The following BRSK2 variants were observed in gnomAD, a reference collection of about 807,000 sequenced individuals.
BRSK2 encodes serine/threonine-protein kinase BRSK2.
A neutral mutation model predicts 83.3 loss-of-function variants in BRSK2; 19 were observed. The observed-to-expected ratio is 0.23, with a 90% confidence interval of 0.16 to 0.33. The LOEUF is 0.33. Among genes scored for constraint, BRSK2 ranks in the 10% least tolerant of loss-of-function variants. The pLI, the probability that BRSK2 is intolerant of heterozygous loss-of-function variation, is 1.00. For missense variants in BRSK2, 798 were observed against 1,042.3 expected, an observed-to-expected ratio of 0.77 and a Z score of 3.23; for synonymous variants, 519 against 435.4, an observed-to-expected ratio of 1.19 and a Z score of -2.39.
chr11:1,445,234 C>T (rs1851858891), intron 9 of BRSK2, 60 bp from the exon 10 acceptor site: 3 of 1,544,940 alleles, frequency 1.9e-6, no homozygotes, highest in Non-Finnish European at 2.6e-6. Flanking sequence ...GCGTCCCACC[C>T]TCGCAGCCGC....
At chr11:1,402,442 C>T (rs1224284494) in intron 1 of BRSK2, among the ~76,000 whole-genome samples, 1 of 152,234 alleles carries the variant, frequency 6.6e-6, no homozygotes, top group African/African-American at 2.4e-5. Flanking sequence ...GCTGCCTCCA[C>T]CTGAACCTTG....
At chr11:1,426,211 G>A (rs929825810) in intron 1 of BRSK2, among the ~76,000 whole-genome samples, 7 of 152,002 alleles carry the variant, frequency 4.6e-5, no homozygotes, top group African/African-American at 9.7e-5. Context: ...GGCACACAGC[G>A]GGCACTGGGG....
Position 1,438,467 on chromosome 11 carries a change from T to G in BRSK2, c.272+76T>G. On this transcript the variant is annotated intron_variant, in intron 3 of 19. Transcript: ENST00000528841. This position sits in a 1 kb window ranked among gnomAD's most constrained non-coding sequence, Gnocchi z 6.4. ...GCTGCAGGGGTGGGTGTCTGGGGCT[T>G]GGGGAGCACAGGGGCTGGAGGCCAG... 7.2e-7 allele frequency: 1 copy of G among 1,390,784 alleles called. No homozygotes were observed. 86.2% of individuals were successfully genotyped at this position (1,390,784 alleles called of 1,614,324 possible). A position where few individuals can be genotyped will look rare whatever the true frequency, so the allele number is the denominator to read the frequency against.
rs539378617 is a variant in BRSK2 at position 1,452,368 on chromosome 11, A to C, written c.1544+949A>C. ...TAGGTATTGTCGCAAGCCCAGATGC[A>C]CAGGGCTCAGCAGACTTGGGAACCT... On this transcript the variant is annotated intron_variant, in intron 15 of 19. Coordinates refer to ENST00000528841, the MANE Select transcript of BRSK2 (RefSeq NM_001256627.2). 2.0e-5 allele frequency among the ~76,000 whole-genome samples: 3 copies of C among 152,282 alleles called. No individual in the cohort carries two copies. In the East Asian group the frequency reaches 5.8e-4, roughly 29 times the overall value.
chr11:1,393,412 G>T (rs1845849652), intron 1 of BRSK2, among the ~76,000 whole-genome samples: 1 of 152,154 alleles, frequency 6.6e-6, no homozygotes, highest in African/African-American at 2.4e-5. Flanking sequence ...GGGCTGCATG[G>T]GACGATGAGG....
chr11:1,411,532 A>C (rs754354621), intron 1 of BRSK2: 3 of 1,545,868 alleles, frequency 1.9e-6, no homozygotes, highest in Admixed American at 3.7e-5. Context: ...GCCGCACATC[A>C]CAGAGTGCCA....
intron 1 of BRSK2, among the ~76,000 whole-genome samples, chr11:1,416,335 A>G (rs1404954707): frequency 6.6e-6 from 1 of 152,000 alleles, no homozygotes; most frequent in East Asian, 1.9e-4. Flanking sequence ...TGAGTGTTCT[A>G]TTTCCTGGGT....
chr11:1,448,857 G>A (rs568346752), intron 12 of BRSK2, among the ~76,000 whole-genome samples: 7 of 152,362 alleles, frequency 4.6e-5, no homozygotes, highest in East Asian at 3.9e-4. Flanking sequence ...TGTGGCCAGC[G>A]TGGCACTCTC....
At chr11:1,405,958 C>T (rs1846846294) in intron 1 of BRSK2, among the ~76,000 whole-genome samples, 1 of 152,192 alleles carries the variant, frequency 6.6e-6, no homozygotes. Flanking sequence ...ATTCCATCCC[C>T]AGCCTTCCCA....
chr11:1,399,941 C>G (rs913623924), intron 1 of BRSK2, among the ~76,000 whole-genome samples: 7 of 152,114 alleles, frequency 4.6e-5, no homozygotes, highest in African/African-American at 1.7e-4. Flanking sequence ...CTGGCGAGCA[C>G]CGCCTGTAGC....
chr11:1,395,521 C>T (rs188107556), intron 1 of BRSK2, among the ~76,000 whole-genome samples: 36 of 152,276 alleles, frequency 2.4e-4, no homozygotes, highest in Admixed American at 1.1e-3. Flanking sequence ...ACAGAGGTTC[C>T]GGGTGGTGAG....
intron 8 of BRSK2, 92 bp downstream of exon 8, chr11:1,443,727 C>A: frequency 1.4e-6 from 2 of 1,397,606 alleles, no homozygotes; most frequent in Non-Finnish European, 1.9e-6. Context: ...TGTGCCCAGA[C>A]GTGTGGGCAC....
chr11:1,460,577 C>T lies in BRSK2; in HGVS notation c.2065C>T (p.Pro689Ser), dbSNP rs1847346416. The change falls in exon 20 of 20, where the codon CCC (proline) becomes TCC (serine). Residue 689 changes from proline (P) to serine (S), a missense_variant. Pro to Ser is a moderately conservative substitution (Grantham distance 74). This residue lies in a region of BRSK2 where 455 missense variants were observed against 455.2 expected (regional missense o/e 1.00). Transcript: ENST00000528841. ...GAAGAACGGGCAGGCGGCCCAGGCCCCCAGCACGCCCGCCAAGCGGAGTGC... is the reference window on the plus strand; with the variant it reads ...GAAGAACGGGCAGGCGGCCCAGGCCTCCAGCACGCCCGCCAAGCGGAGTGC... ...DEKNGQAAQAPSTPAKRSAHG... is the reference protein window; with the variant it reads ...DEKNGQAAQASSTPAKRSAHG... 5.9e-6 allele frequency: 9 copies of T among 1,533,480 alleles called. No individual in the cohort carries two copies. The East Asian group carries it at 1.7e-4, about 29-fold the overall frequency. The allele number at this position is 1,533,480 out of a possible 1,614,324, so 95.0% of individuals were successfully genotyped here.
intron 1 of BRSK2, among the ~76,000 whole-genome samples, chr11:1,413,228 G>A (rs1001149064): frequency 3.3e-5 from 5 of 152,192 alleles, no homozygotes; most frequent in East Asian, 3.9e-4. Flanking sequence ...CCCTGGGGAC[G>A]GCCCCTCGGG....
In BRSK2 at chr11:1,443,156, G is replaced by A. The variant is rs771368305; in HGVS notation, c.564+17G>A. 1.9e-5 allele frequency: 29 copies of A among 1,537,414 alleles called. 1 individual carries two copies. Among genetic ancestry groups the A allele is most frequent in the Admixed American group, 1.8e-4 (9 of 50,864 alleles). ...GTGATCCGGGTGAGTCAGCGCCGCC[G>A]CGTGCAGCTCTGTGGGGCCCAGGGT... On this transcript the variant is annotated intron_variant, in intron 6 of 19. Coordinates refer to ENST00000528841, the MANE Select transcript of BRSK2 (RefSeq NM_001256627.2).
rs765772158 is a variant in BRSK2 at position 1,450,616 on chromosome 11, T to A, written c.1317T>A (p.Ser439Arg). 2 of 1,592,508 alleles carry A rather than the reference T, an allele frequency of 1.3e-6. No homozygotes were observed. The highest frequency in any genetic ancestry group is 2.3e-5 in the South Asian group (2 of 88,746). Residue 439 changes from serine to arginine, a missense_variant, in exon 14 of 20, where the codon AGT (serine) becomes AGA (arginine). Coordinates refer to ENST00000528841, the MANE Select transcript of BRSK2 (RefSeq NM_001256627.2). ...RVTPHPSPRG[S>R]PLPTPKGTPV... ...CCCCTCACCCCTCACCAAGGGGCAG[T>A]CCCCTCCCCACCCCCAAGGGGACAC... is the stretch of plus-strand genomic sequence containing the variant.
At chr11:1,419,467 C>T (rs937297469) in intron 1 of BRSK2, among the ~76,000 whole-genome samples, 3 of 152,196 alleles carry the variant, frequency 2.0e-5, no homozygotes, top group Non-Finnish European at 4.4e-5. Flanking sequence ...TTTTTTCAGT[C>T]CTTATTTAAA....
rs1848849087 is a variant in BRSK2 at position 1,423,626 on chromosome 11, G to C, written c.92-12414G>C. 1.3e-5 allele frequency among the ~76,000 whole-genome samples: 2 copies of C among 152,228 alleles called. No homozygotes were observed. Among genetic ancestry groups the C allele is most frequent in the South Asian group, 4.1e-4 (2 of 4,830 alleles). ...GGAGGCGGGAAGTCCAAGGTCCAGG[G>C]TGGGCTGGCTCTTCCAAGGCCTCAA... On this transcript the variant is annotated intron_variant, in intron 1 of 19. Coordinates refer to ENST00000528841, the MANE Select transcript of BRSK2 (RefSeq NM_001256627.2). The surrounding 1 kb of genome is among the most constrained non-coding windows in gnomAD (Gnocchi z 6.5).
intron 2 of BRSK2, among the ~76,000 whole-genome samples, chr11:1,437,823 C>T (rs1165030612): frequency 6.6e-6 from 1 of 152,188 alleles, no homozygotes; most frequent in Non-Finnish European, 1.5e-5. Flanking sequence ...CTCCAGGCCC[C>T]ATTCCTGAGG....
Sources: allele counts gnomAD v4.1 joint callset (sites outside exome capture counted in the v4.1 genomes callset), GRCh38; gene constraint gnomAD v4.1.1; regional missense constraint gnomAD v4.1.1; non-coding constraint Gnocchi (gnomAD v3.1); transcripts MANE v1.5; gene names NCBI Gene and HGNC (gene_info 2026-07-23, HGNC 2026-07-21).